Variants in NFATC2 observed in about 807,000 individuals in gnomAD.
NFATC2 encodes the protein nuclear factor of activated T-cells, cytoplasmic 2.
NFATC2 carries 22 observed loss-of-function variants against 87.3 expected under a neutral mutation model. The observed-to-expected ratio is 0.25, with a 90% CI of 0.18 to 0.36. NFATC2 has a LOEUF of 0.36. Ranked by LOEUF, NFATC2 falls within the 10% of genes least tolerant of loss-of-function variation. The probability of loss-of-function intolerance (pLI) is 1.00; values close to 1 mark genes in which losing one functional copy is unlikely to be tolerated. For synonymous variants in NFATC2, 565 were observed against 542.2 expected, an observed-to-expected ratio of 1.04 and a Z score of -0.58; for missense variants, 1,149 against 1,259.1, an observed-to-expected ratio of 0.91 and a Z score of 1.32.
At chr20:51,510,506 C>T (rs1243045416) in intron 3 of NFATC2, among the ~76,000 whole-genome samples, 3 of 152,216 alleles carry the variant, frequency 2.0e-5, no homozygotes, top group Non-Finnish European at 4.4e-5. Context: ...TCAAGTGGTT[C>T]CCCTTTTCAT....
At chr20:51,508,266 C>G (rs1356481509) in intron 3 of NFATC2, among the ~76,000 whole-genome samples, 2 of 152,078 alleles carry the variant, frequency 1.3e-5, no homozygotes, top group Non-Finnish European at 2.9e-5. Flanking sequence ...ACCACGCCAC[C>G]TCTCTGCCTG....
At chr20:51,541,340 G>C (rs1200997559) in intron 1 of NFATC2, among the ~76,000 whole-genome samples, 2 of 151,952 alleles carry the variant, frequency 1.3e-5, no homozygotes, top group Non-Finnish European at 2.9e-5. Flanking sequence ...GGCTGGGCTG[G>C]GCTGGGCTGT....
intron 3 of NFATC2, among the ~76,000 whole-genome samples, chr20:51,515,623 A>G (rs3787187): frequency 0.46 from 69,027 of 151,504 alleles, 15,931 homozygotes; most frequent in South Asian, 0.5. Flanking sequence ...AATGGGACTC[A>G]TGGTCAAGAA....
At chr20:51,526,385 C>T (rs1019529924) in intron 1 of NFATC2, among the ~76,000 whole-genome samples, 3 of 152,114 alleles carry the variant, frequency 2.0e-5, no homozygotes, top group Non-Finnish European at 4.4e-5. Context: ...GTCTGGGAAC[C>T]GAATGGCCCC....
chr20:51,420,558 T>C (rs1225390589), intron 9 of NFATC2, among the ~76,000 whole-genome samples: 1 of 152,116 alleles, frequency 6.6e-6, no homozygotes, highest in East Asian at 1.9e-4. Context: ...ATACTAATGA[T>C]GAAACCAAAA....
chr20:51,412,032 T>C (rs1979336387), intron 9 of NFATC2, among the ~76,000 whole-genome samples: 1 of 152,142 alleles, frequency 6.6e-6, no homozygotes, highest in African/African-American at 2.4e-5. Context: ...AAGGCCCCCA[T>C]AGGAGGGAGC....
intron 9 of NFATC2, among the ~76,000 whole-genome samples, chr20:51,405,252 C>T (rs966961122): frequency 5.3e-5 from 8 of 152,174 alleles, no homozygotes; most frequent in African/African-American, 1.4e-4. Flanking sequence ...CACCCTCCAC[C>T]ACTAGACTTC....
chr20:51,464,945 G>A (rs1288043870), intron 5 of NFATC2, among the ~76,000 whole-genome samples: 1 of 152,196 alleles, frequency 6.6e-6, no homozygotes, highest in Admixed American at 6.5e-5. Context: ...AATACAGAAC[G>A]TACTTGACAC....
chr20:51,465,723 C>A (rs1181763774), intron 5 of NFATC2, among the ~76,000 whole-genome samples: 2 of 151,980 alleles, frequency 1.3e-5, no homozygotes, highest in Non-Finnish European at 2.9e-5. Context: ...GTTGCTGTTC[C>A]CGCACTCCCA....
chr20:51,413,398 G>A (rs2146279117), intron 9 of NFATC2, among the ~76,000 whole-genome samples: 1 of 152,232 alleles, frequency 6.6e-6, no homozygotes. Context: ...AATCTTGTTA[G>A]CAGATGCTAG....
intron 1 of NFATC2, among the ~76,000 whole-genome samples, chr20:51,558,468 T>C (rs1234738429): frequency 6.6e-6 from 1 of 151,808 alleles, no homozygotes; most frequent in East Asian, 2.0e-4. Flanking sequence ...TAATTGGATT[T>C]AGGCATTGGT....
intron 3 of NFATC2, among the ~76,000 whole-genome samples, chr20:51,485,232 C>T (rs1163598646): frequency 1.3e-5 from 2 of 152,192 alleles, no homozygotes; most frequent in African/African-American, 2.4e-5. Flanking sequence ...GGACCAAACG[C>T]TGCACCCCAG....
rs150977806 is a variant in NFATC2, at chr20:51,487,051, C to A, written c.1333-11391G>T. ...TGCTCCCTGCTGCCAAGTGTTTACC[C>A]GAAGACCAGAACACAAGGGGAAAGC... is the stretch of plus-strand genomic sequence containing the variant. On this transcript the variant is annotated intron_variant, in intron 3 of 10. Coordinates refer to ENST00000371564, the MANE Select transcript of NFATC2 (RefSeq NM_012340.5). 2.8e-3 allele frequency among the ~76,000 whole-genome samples: 425 copies of A among 152,298 alleles called. 1 individual carries two copies. Among genetic ancestry groups the A allele is most frequent in the Non-Finnish European group, 4.3e-3 (292 of 68,032 alleles).
At chr20:51,458,138 A>T (rs1298631428) in intron 5 of NFATC2, among the ~76,000 whole-genome samples, 1 of 152,008 alleles carries the variant, frequency 6.6e-6, no homozygotes, top group Non-Finnish European at 1.5e-5. Context: ...CGGCCTCCCG[A>T]AGTGTTGGGA....
At position 51,389,187 on chromosome 20, in the gene NFATC2, TA is replaced by T. The variant is rs1465220673; in HGVS notation, c.*2308del. ...CACACACGCGTACAGGAGGTTGAGCTACCAGGAGGCCGTTTTTGCTAACATA... is the reference window on the plus strand; with the variant it reads ...CACACACGCGTACAGGAGGTTGAGCTCCAGGAGGCCGTTTTTGCTAACATA... On this transcript the variant is annotated 3_prime_UTR_variant, in exon 11 of 11. Transcript: ENST00000371564. 1 of 152,216 alleles carries T rather than the reference TA, an allele frequency of 6.6e-6. No homozygotes were observed. 9.4% of individuals were successfully genotyped at this position (152,216 alleles called of 1,614,324 possible). A position where few individuals can be genotyped will look rare whatever the true frequency, so the allele number is the denominator to read the frequency against.
At position 51,390,640 on chromosome 20, in the gene NFATC2, A is replaced by G. The variant is rs768871655; in HGVS notation, c.*856T>C. The stretch of plus-strand genomic sequence containing the variant: ...GACTGCGTGCTGCAGGGGTTAAAGA[A>G]CAGCTCGCCAAGACAGCTCCAGGGC... On this transcript the variant is annotated 3_prime_UTR_variant, in exon 11 of 11. Coordinates refer to ENST00000371564, the MANE Select transcript of NFATC2 (RefSeq NM_012340.5). 6 of 153,372 alleles carry G rather than the reference A, an allele frequency of 3.9e-5. No individual in the cohort carries two copies. The highest frequency in any genetic ancestry group is 8.7e-5 in the Non-Finnish European group (6 of 68,906). The allele number at this position is 153,372 out of a possible 1,614,324, so 9.5% of individuals were successfully genotyped here. A position where few individuals can be genotyped will look rare whatever the true frequency, so the allele number is the denominator to read the frequency against.
Position 51,523,443 on chromosome 20 carries a change from T to C in NFATC2, c.798A>G (p.Gly266=), listed in dbSNP as rs779427785. 3 of 1,608,892 alleles carry C rather than the reference T, an allele frequency of 1.9e-6. No homozygotes were observed. The highest frequency in any genetic ancestry group is 2.5e-6 in the Non-Finnish European group (3 of 1,177,648). ...GGCTCCGGGAGCGCTGGGGTGAGGC[T>C]CCGGGCGGCAGGGCAACCAAGGCCT... ...CAEALVALPP[G]ASPQRSRSPS... is the part of the protein sequence containing the mutation. The change falls in exon 2 of 11, where the codon GGA becomes GGG. Residue 266 remains glycine, a synonymous_variant. Transcript: ENST00000371564. This position sits in a 1 kb window ranked among gnomAD's most constrained non-coding sequence, Gnocchi z 6.9.
intron 3 of NFATC2, among the ~76,000 whole-genome samples, chr20:51,486,009 A>G (rs1006726380): frequency 6.6e-6 from 1 of 152,068 alleles, no homozygotes; most frequent in Non-Finnish European, 1.5e-5. Flanking sequence ...CCAGGAGCTC[A>G]AGACCAGCCT....
At chr20:51,482,117 C>A (rs950183034) in intron 3 of NFATC2, among the ~76,000 whole-genome samples, 6 of 151,982 alleles carry the variant, frequency 3.9e-5, no homozygotes, top group African/African-American at 1.5e-4. Context: ...AAAATCCCCC[C>A]ACCCCCAGCC....
Sources: allele counts gnomAD v4.1 joint callset (sites outside exome capture counted in the v4.1 genomes callset), GRCh38; gene constraint gnomAD v4.1.1; non-coding constraint Gnocchi (gnomAD v3.1); transcripts MANE v1.5; gene names NCBI Gene and HGNC (gene_info 2026-07-23, HGNC 2026-07-21).